GGA3: variants seen among roughly 807,000 people sequenced by gnomAD.
The protein encoded by GGA3 is ADP-ribosylation factor-binding protein GGA3.
GGA3 carries 57 observed loss-of-function variants against 77.5 expected under a neutral mutation model. That is an observed-to-expected ratio of 0.74 (90% confidence interval 0.59 to 0.92). The LOEUF (loss-of-function observed/expected upper bound fraction) is 0.92. GGA3 is among the 40% of genes least tolerant of loss of function. GGA3 has a pLI of 0.00. For synonymous variants in GGA3, 416 were observed against 383.7 expected (o/e 1.08, Z -0.98); for missense variants, 970 against 914.9 (o/e 1.06, Z -0.78).
upstream of GGA3, chr17:75,262,353 T>A: frequency 1.1e-6 from 1 of 901,044 alleles, no homozygotes; most frequent in African/African-American, 1.7e-5. Flanking sequence ...GACAAGGGCC[T>A]GAATTGTTGT....
chr17:75,239,681 G>A (rs930309526), intron 13 of GGA3, 108 bp downstream of exon 13: 11 of 1,472,800 alleles, frequency 7.5e-6, no homozygotes, highest in South Asian at 1.1e-5. Context: ...TTGCCTTCCA[G>A]CCTGACTGAT....
At chr17:75,261,508 A>G (rs757630881) in intron 1 of GGA3, 40 bp downstream of exon 1, 2 of 1,473,086 alleles carry the variant, frequency 1.4e-6, no homozygotes, top group Middle Eastern at 2.2e-4. Flanking sequence ...GGGGCAGCCC[A>G]GCGGCTCGAG....
chr17:75,243,114 A>G lies in GGA3; in HGVS notation c.477T>C (p.Ser159=). The change falls in exon 6 of 17, where the codon TCT becomes TCC. Residue 159 remains serine, a synonymous_variant. Transcript: ENST00000537686. ...CAGGGTTTTTGGGACGAGGTGGTGG[A>G]GAGGGGATCAGCGTCCTATCCACAG... is the stretch of plus-strand genomic sequence containing the variant. ...PIPVDRTLIP[S]PPPRPKNPVF... is the part of the protein sequence containing the mutation. The G allele has an allele frequency of 6.2e-7, 1 of 1,613,510 alleles. No individual in the cohort carries two copies. The highest frequency in any genetic ancestry group is 8.5e-7 in the Non-Finnish European group (1 of 1,179,762).
intron 3 of GGA3, 26 bp downstream of exon 3, chr17:75,246,483 C>A: frequency 6.7e-7 from 1 of 1,502,060 alleles, no homozygotes; most frequent in Non-Finnish European, 9.3e-7. Flanking sequence ...GCTGCGGTTT[C>A]CACCTCCGGA....
chr17:75,238,940 T>C lies in GGA3; in HGVS notation c.1924A>G (p.Ile642Val), dbSNP rs756156146. 7 of 1,613,956 alleles carry C rather than the reference T, an allele frequency of 4.3e-6. No individual in the cohort carries two copies. Among genetic ancestry groups the C allele is most frequent in the African/African-American group, 1.3e-5 (1 of 74,914 alleles). The change falls in exon 15 of 17, where the codon ATC becomes GTC. Residue 642 changes from isoleucine to valine, a missense_variant. Ile to Val is a conservative substitution (Grantham distance 29, BLOSUM62 3). Transcript: ENST00000537686. ...TTGGGCACTGCAGCCTGCAGCACGA[T>C]GCTCTTGACAGGTAAGGGAGCCGTG... ...LNTAPLPVKS[I>V]VLQAAVPKSM...
intron 1 of GGA3, among the ~76,000 whole-genome samples, chr17:75,254,877 A>C (rs945440201): frequency 1.3e-5 from 2 of 152,080 alleles, no homozygotes; most frequent in Non-Finnish European, 2.9e-5. Flanking sequence ...CCACCGAGCC[A>C]AGGAATGCCC....
intron 8 of GGA3, 190 bp from the exon 9 acceptor site, chr17:75,241,886 T>C (rs7210459): frequency 0.053 from 32,929 of 623,386 alleles, 4,636 homozygotes; most frequent in African/African-American, 0.38. Flanking sequence ...CCCAGGATGT[T>C]TGTCTAGGTA....
chr17:75,249,336 C>G (rs986646139), intron 1 of GGA3, among the ~76,000 whole-genome samples: 9 of 152,174 alleles, frequency 5.9e-5, no homozygotes, highest in African/African-American at 1.4e-4. Context: ...AGCCACCGCA[C>G]CCCGCCTAGG....
rs1567787182 is a variant in GGA3 at position 75,243,143 on chromosome 17, T to C, written c.448A>G (p.Ile150Val). The C allele has an allele frequency of 5.0e-6, 8 of 1,611,778 alleles. No individual in the cohort carries two copies. Among genetic ancestry groups the C allele is most frequent in the Non-Finnish European group, 6.8e-6 (8 of 1,179,142 alleles). Residue 150 changes from isoleucine (I) to valine (V), a missense_variant, in exon 6 of 17, where the codon ATT becomes GTT. By Grantham distance (29) the Ile-to-Val change is conservative (BLOSUM62 3). Transcript: ENST00000537686. ...GGGATCAGCGTCCTATCCACAGGAA[T>C]TGGTGGGTCAGACTGCACTATGCCT... ...RQGIVQSDPPIPVDRTLIPSP... is the reference protein window; with the variant it reads ...RQGIVQSDPPVPVDRTLIPSP...
chr17:75,253,363 C>T (rs996765987), intron 1 of GGA3, among the ~76,000 whole-genome samples: 3 of 152,212 alleles, frequency 2.0e-5, no homozygotes, highest in Non-Finnish European at 4.4e-5. Context: ...AACTCTGGCG[C>T]TGGTCACAGA....
intron 15 of GGA3, 75 bp downstream of exon 15, chr17:75,238,839 C>G: frequency 6.4e-7 from 1 of 1,568,272 alleles, no homozygotes; most frequent in Non-Finnish European, 8.7e-7. Flanking sequence ...CACACACTGC[C>G]ACCTGCTGGC....
intron 16 of GGA3, 49 bp downstream of exon 16, chr17:75,238,603 G>A (rs1044403407): frequency 6.0e-6 from 8 of 1,329,284 alleles, no homozygotes; most frequent in Non-Finnish European, 8.6e-6. Context: ...GTCCTAATCT[G>A]GGGCAGCTGG....
chr17:75,239,018 C>T lies in GGA3; in HGVS notation c.1846G>A (p.Glu616Lys), dbSNP rs76982026. 1.0e-3 allele frequency: 1,667 copies of T among 1,614,084 alleles called. 24 individuals carry two copies. The East Asian group carries it at 0.032, about 31-fold the overall frequency. The change falls in exon 15 of 17, where the codon GAG (glutamate) becomes AAG (lysine). Residue 616 changes from glutamate to lysine, a missense_variant. Coordinates refer to ENST00000537686, the MANE Select transcript of GGA3 (RefSeq NM_138619.4). The stretch of plus-strand genomic sequence containing the variant: ...ACGTCAGGTCGTCCTGGGGGACACT[C>T]CTTGGCAAAGTGGAAGAGGATGCGG... ...GFRILFHFAK[E>K]CPPGRPDVLV...
intron 9 of GGA3, 35 bp from the exon 10 acceptor site, chr17:75,241,551 G>T (rs765024549): frequency 4.2e-5 from 67 of 1,600,060 alleles, no homozygotes; most frequent in Non-Finnish European, 5.6e-5. Context: ...CACTCCTGTT[G>T]TGACAGTTCC....
rs968206547 is a variant in GGA3 at position 75,243,578 on chromosome 17, G to A, written c.301-8C>T. The A allele has an allele frequency of 3.7e-6, 6 of 1,613,466 alleles. No homozygotes were observed. Among genetic ancestry groups the A allele is most frequent in the Non-Finnish European group, 5.1e-6 (6 of 1,179,780 alleles). On this transcript the variant is annotated splice_polypyrimidine_tract_variant and splice_region_variant and intron_variant, in intron 4 of 16. Transcript: ENST00000537686. ...CACCCTGTCCCCCAGGTACTACATG[G>A]CAAAAGAAAATGAGGACCTAGTAAG...
At chr17:75,243,256 G>A (rs879217020) in intron 5 of GGA3, 90 bp from the exon 6 acceptor site, 2 of 1,154,264 alleles carry the variant, frequency 1.7e-6, no homozygotes, top group South Asian at 2.8e-5. Context: ...CTGTGATCAA[G>A]ACCTGCAAAG....
At chr17:75,250,687 A>C (rs1598427689) in intron 1 of GGA3, among the ~76,000 whole-genome samples, 1 of 149,866 alleles carries the variant, frequency 6.7e-6, no homozygotes, top group East Asian at 2.0e-4. Context: ...GCTTGAACCC[A>C]GGAGGCAGAG....
chr17:75,246,885 AG>A (rs1231141246), intron 1 of GGA3, 89 bp from the exon 2 acceptor site: 3 of 1,011,102 alleles, frequency 3.0e-6, no homozygotes, highest in Non-Finnish European at 4.6e-6. Flanking sequence ...AAGCACTAAG[AG>A]TTTGCTTTCA....
In GGA3 at chr17:75,244,690, C is replaced by A. The variant is rs554782520; in HGVS notation, c.229G>T (p.Gly77Trp). Residue 77 changes from glycine to tryptophan, a missense_variant, in exon 4 of 17, where the codon GGG becomes TGG. Gly to Trp is a radical substitution (Grantham distance 184). Transcript: ENST00000537686. ...TVLEACMKNC[G>W]RRFHNEVGKF... ...CCCACTTCGTTATGAAATCTCCTCC[C>A]ACAGTTCTTCATGCATGCCTCCAGC... The A allele has an allele frequency of 3.0e-5, 48 of 1,613,890 alleles. 1 individual carries two copies. In the South Asian group the frequency reaches 3.5e-4, roughly 12 times the overall value.
Sources: allele counts gnomAD v4.1 joint callset (sites outside exome capture counted in the v4.1 genomes callset), GRCh38; gene constraint gnomAD v4.1.1; transcripts MANE v1.5; gene names NCBI Gene and HGNC (gene_info 2026-07-23, HGNC 2026-07-21).